ABCA3: variants seen among roughly 807,000 people sequenced by gnomAD.
The protein encoded by ABCA3 is phospholipid-transporting ATPase ABCA3.
A neutral mutation model predicts 172.8 loss-of-function variants in ABCA3; 88 were observed. That is an observed-to-expected ratio of 0.51 (90% confidence interval 0.43 to 0.61). The LOEUF (loss-of-function observed/expected upper bound fraction) is 0.61. ABCA3 is among the 20% of genes least tolerant of loss of function. The probability of loss-of-function intolerance (pLI) is 0.00; values close to 1 mark genes in which losing one functional copy is unlikely to be tolerated. For missense variants in ABCA3, 2,164 were observed against 2,301.0 expected (o/e 0.94, Z 1.22); for synonymous variants, 1,066 against 983.8 (o/e 1.08, Z -1.56).
At chr16:2,289,890 G>C (rs1213350078) in intron 19 of ABCA3, among the ~76,000 whole-genome samples, 1 of 151,990 alleles carries the variant, frequency 6.6e-6, no homozygotes, top group Admixed American at 6.6e-5. Flanking sequence ...GCCTCTCAAA[G>C]TGCTGGGATT....
At chr16:2,334,720 G>T (rs1250004998) in intron 1 of ABCA3, among the ~76,000 whole-genome samples, 1 of 151,714 alleles carries the variant, frequency 6.6e-6, no homozygotes, top group East Asian at 1.9e-4. Flanking sequence ...GTTTTGCTAT[G>T]TTGGCCAGGC....
At chr16:2,308,722 G>A (rs1428375688) in intron 10 of ABCA3, 99 bp from the exon 11 acceptor site, 8 of 1,409,376 alleles carry the variant, frequency 5.7e-6, no homozygotes, top group Non-Finnish European at 7.9e-6. Flanking sequence ...CTGGGGCCGA[G>A]CCACCCAACC....
chr16:2,285,096 C>G lies in ABCA3; in HGVS notation c.3484-98G>C. On this transcript the variant is annotated intron_variant, in intron 23 of 32. Coordinates refer to ENST00000301732, the MANE Select transcript of ABCA3 (RefSeq NM_001089.3). This position sits in a 1 kb window ranked among gnomAD's most constrained non-coding sequence, Gnocchi z 4.7. ...GGAGCATTTGGAGGTCCTCAGACCC[C>G]TCCCGGTCAGCTGGCCCATGTCCAT... The G allele has an allele frequency of 7.4e-7, 1 of 1,358,108 alleles. No individual in the cohort carries two copies. The highest frequency in any genetic ancestry group is 1.4e-5 in the African/African-American group (1 of 69,432). 84.1% of individuals were successfully genotyped at this position (1,358,108 alleles called of 1,614,324 possible).
intron 10 of ABCA3, among the ~76,000 whole-genome samples, chr16:2,311,626 A>G (rs1435682506): frequency 6.6e-6 from 1 of 152,088 alleles, no homozygotes; most frequent in Non-Finnish European, 1.5e-5. Context: ...AGGTTCAAGC[A>G]ATTCCCTGCC....
At position 2,285,588 on chromosome 16, in the gene ABCA3, T is replaced by A; in HGVS notation, c.3337A>T (p.Ser1113Cys). 6.4e-7 allele frequency: 1 copy of A among 1,563,092 alleles called. No homozygotes were observed. Among genetic ancestry groups the A allele is most frequent in the Non-Finnish European group, 8.7e-7 (1 of 1,153,214 alleles). The change falls in exon 23 of 33, where the codon AGC (serine) becomes TGC (cysteine). Residue 1113 changes from serine to cysteine, a missense_variant. This residue lies in a region of ABCA3 where 795 missense variants were observed against 881.9 expected (regional missense o/e 0.90). Coordinates refer to ENST00000301732, the MANE Select transcript of ABCA3 (RefSeq NM_001089.3). The surrounding 1 kb of genome is among the most constrained non-coding windows in gnomAD (Gnocchi z 4.7). Reference sequence around the variant, plus strand: ...CTGACCGCCAGGATGGAGAACGTGCTGGCCAAGAATGCCATGGCGAAGAGC... The same window carrying A: ...CTGACCGCCAGGATGGAGAACGTGCAGGCCAAGAATGCCATGGCGAAGAGC... ...NLLFAMAFLASTFSILAVSER... is the reference protein window; with the variant it reads ...NLLFAMAFLACTFSILAVSER...
At chr16:2,317,586 G>A (rs943897888) in intron 9 of ABCA3, 62 bp downstream of exon 9, 3 of 1,596,472 alleles carry the variant, frequency 1.9e-6, no homozygotes, top group Non-Finnish European at 2.6e-6. Context: ...TCCCAAGAGG[G>A]CCCTCCTGGG....
rs2093681749 is a variant in ABCA3, at chr16:2,297,501, G to A, written c.2091C>T (p.Ala697=). The change falls in exon 17 of 33, where the codon GCC becomes GCT. Residue 697 remains alanine (A), a synonymous_variant. Coordinates refer to ENST00000301732, the MANE Select transcript of ABCA3 (RefSeq NM_001089.3). This position sits in a 1 kb window ranked among gnomAD's most constrained non-coding sequence, Gnocchi z 5.6. ...ILDEPTSGMD[A]ISRRAIWDLL... ...GATCCCAGATGGCCCTCCTGGAGAT[G>A]GCGTCCATGCCCGAGGTGGGCTCGT... The A allele has an allele frequency of 6.2e-7, 1 of 1,613,238 alleles. No homozygotes were observed. The highest frequency in any genetic ancestry group is 8.5e-7 in the Non-Finnish European group (1 of 1,180,028).
At position 2,285,572 on chromosome 16, in the gene ABCA3, A is replaced by G; in HGVS notation, c.3353T>C (p.Leu1118Pro). The G allele has an allele frequency of 1.3e-6, 2 of 1,574,338 alleles. No homozygotes were observed. The highest frequency in any genetic ancestry group is 1.7e-6 in the Non-Finnish European group (2 of 1,159,394). The change falls in exon 23 of 33, where the codon CTG becomes CCG. Residue 1118 changes from leucine to proline, a missense_variant. Physicochemically the swap from Leu to Pro is moderately conservative, Grantham distance 98 (BLOSUM62 -3). Transcript: ENST00000301732. The surrounding 1 kb of genome is among the most constrained non-coding windows in gnomAD (Gnocchi z 4.7). ...CTGCACGGCCCTCTCGCTGACCGCC[A>G]GGATGGAGAACGTGCTGGCCAAGAA... is the stretch of plus-strand genomic sequence containing the variant. ...MAFLASTFSI[L>P]AVSERAVQAK...
intron 18 of ABCA3, among the ~76,000 whole-genome samples, chr16:2,293,789 C>G (rs2093675747): frequency 6.6e-6 from 1 of 151,924 alleles, no homozygotes; most frequent in Admixed American, 6.6e-5. Context: ...GATCCACCCG[C>G]TTCGGCCTCC....
Position 2,287,288 on chromosome 16 carries a change from CT to C in ABCA3, c.3005-322del, listed in dbSNP as rs56188451. ...CCAACTATGACTACCAAGACTCTTT[CT>C]TTTTTTTTTTGAGACAGTCTTGCTC... On this transcript the variant is annotated intron_variant, in intron 21 of 32. Coordinates refer to ENST00000301732, the MANE Select transcript of ABCA3 (RefSeq NM_001089.3). The surrounding 1 kb of genome is among the most constrained non-coding windows in gnomAD (Gnocchi z 4.1). Among the ~76,000 whole-genome samples, 29 of 147,386 alleles carry C rather than the reference CT, an allele frequency of 2.0e-4. No individual in the cohort carries two copies. Among genetic ancestry groups the C allele is most frequent in the East Asian group, 2.0e-4 (1 of 5,078 alleles).
At position 2,284,467 on chromosome 16, in the gene ABCA3, C is replaced by T; in HGVS notation, c.3704-30G>A. The T allele has an allele frequency of 1.9e-6, 3 of 1,612,980 alleles. No homozygotes were observed. Among genetic ancestry groups the T allele is most frequent in the African/African-American group, 1.3e-5 (1 of 75,034 alleles). ...GTTGGGGAGGTAAGATCAGTCTGCG[C>T]TGGAGGGCACACCACACCCACCTCC... is the stretch of plus-strand genomic sequence containing the variant. On this transcript the variant is annotated intron_variant, in intron 24 of 32. Transcript: ENST00000301732. This position sits in a 1 kb window ranked among gnomAD's most constrained non-coding sequence, Gnocchi z 5.9.
chr16:2,330,758 C>T (rs1358017408), intron 1 of ABCA3, among the ~76,000 whole-genome samples: 1 of 147,914 alleles, frequency 6.8e-6, no homozygotes, highest in Non-Finnish European at 1.5e-5. Context: ...GAGTGCAGTG[C>T]CGCGATCTCT....
At chr16:2,331,386 A>C (rs2093742942) in intron 1 of ABCA3, among the ~76,000 whole-genome samples, 1 of 152,096 alleles carries the variant, frequency 6.6e-6, no homozygotes. Flanking sequence ...TTTAATAGAG[A>C]CGGAGTTTTG....
chr16:2,284,555 C>T lies in ABCA3; in HGVS notation c.3704-118G>A. The T allele has an allele frequency of 1.4e-6, 2 of 1,439,438 alleles. No individual in the cohort carries two copies. Among genetic ancestry groups the T allele is most frequent in the Non-Finnish European group, 1.9e-6 (2 of 1,030,000 alleles). The allele number at this position is 1,439,438 out of a possible 1,614,324, so 89.2% of individuals were successfully genotyped here. ...CGTGCTGTGTGGAGTGAGGGGGCAC[C>T]TCCCAGGGACGCCCCTGCCGGCTCT... On this transcript the variant is annotated intron_variant, in intron 24 of 32. Coordinates refer to ENST00000301732, the MANE Select transcript of ABCA3 (RefSeq NM_001089.3). This position sits in a 1 kb window ranked among gnomAD's most constrained non-coding sequence, Gnocchi z 5.9.
chr16:2,332,373 G>A (rs775691193), intron 1 of ABCA3: 7 of 887,216 alleles, frequency 7.9e-6, no homozygotes, highest in South Asian at 4.0e-5. Context: ...TTTTGGACTC[G>A]CAGGGACGGG....
Position 2,287,112 on chromosome 16 carries a change from G to A in ABCA3, c.3005-145C>T. 1 of 929,602 alleles carries A rather than the reference G, an allele frequency of 1.1e-6. No homozygotes were observed. Among genetic ancestry groups the A allele is most frequent in the Non-Finnish European group, 1.6e-6 (1 of 626,758 alleles). The allele number at this position is 929,602 out of a possible 1,614,324, so 57.6% of individuals were successfully genotyped here. A position where few individuals can be genotyped will look rare whatever the true frequency, so the allele number is the denominator to read the frequency against. ...CGCCCCATCACCCTTCTCCTAAGGA[G>A]AGTATAATTTCTGGCAAGGTTTTGT... On this transcript the variant is annotated intron_variant, in intron 21 of 32. Coordinates refer to ENST00000301732, the MANE Select transcript of ABCA3 (RefSeq NM_001089.3). This position sits in a 1 kb window ranked among gnomAD's most constrained non-coding sequence, Gnocchi z 4.1.
Position 2,297,764 on chromosome 16 carries a change from A to G in ABCA3, c.2052+2T>C. On this transcript the variant is annotated splice_donor_variant, in intron 16 of 32. Coordinates refer to ENST00000301732, the MANE Select transcript of ABCA3 (RefSeq NM_001089.3). LOFTEE classifies it high-confidence loss of function. This position sits in a 1 kb window ranked among gnomAD's most constrained non-coding sequence, Gnocchi z 5.6. ...CCACTGCCTCCAGTCCCACCGCCAC[A>G]CCTTGGAGCCTGCGATGAGGGCGAT... 3 of 1,611,084 alleles carry G rather than the reference A, an allele frequency of 1.9e-6. No individual in the cohort carries two copies. Among genetic ancestry groups the G allele is most frequent in the Non-Finnish European group, 2.5e-6 (3 of 1,179,984 alleles).
Position 2,289,594 on chromosome 16 carries a change from A to G in ABCA3, c.2540T>C (p.Met847Thr). The change falls in exon 20 of 33, where the codon ATG becomes ACG. Residue 847 changes from methionine (M) to threonine (T), a missense_variant. Around this residue, in one of 3 missense-constraint regions of ABCA3, gnomAD observed 1,343 missense variants for 1,369.6 expected, o/e 0.98. Coordinates refer to ENST00000301732, the MANE Select transcript of ABCA3 (RefSeq NM_001089.3). ...AGGGAGCTGGATGGCCTGGATGTCC[A>G]TACTGCTGTCCACCAGCTTCCCGAC... ...LRVGKLVDSS[M>T]DIQAIQLPAL... The G allele has an allele frequency of 1.9e-6, 3 of 1,554,514 alleles. No homozygotes were observed. Among genetic ancestry groups the G allele is most frequent in the Non-Finnish European group, 2.6e-6 (3 of 1,149,800 alleles).
chr16:2,317,061 C>G (rs998711541), intron 10 of ABCA3, among the ~76,000 whole-genome samples: 4 of 152,232 alleles, frequency 2.6e-5, no homozygotes, highest in African/African-American at 9.6e-5. Context: ...GGCTGCTGGA[C>G]AGCACTCGGC....
Sources: gnomAD v4.1 joint callset for allele counts (sites outside exome capture counted in the v4.1 genomes callset) on GRCh38, gnomAD v4.1.1 for gene constraint, gnomAD v4.1.1 regional missense constraint, Gnocchi (gnomAD v3.1) non-coding constraint, MANE v1.5 for transcripts, NCBI Gene and HGNC (gene_info 2026-07-23, HGNC 2026-07-21) for gene names.